BDNF: variants seen among roughly 807,000 people sequenced by gnomAD.
The protein encoded by BDNF is brain derived neurotrophic factor.
In BDNF, 1 loss-of-function variant was observed where a neutral mutation model predicts 19.5. The observed-to-expected ratio is 0.05, with a 90% CI of 0.02 to 0.24. BDNF has a LOEUF of 0.24. Ranked by LOEUF, BDNF falls within the 10% of genes least tolerant of loss-of-function variation. The pLI is 1.00. For missense variants in BDNF, 195 were observed against 317.6 expected (o/e 0.61, Z 2.93); for synonymous variants, 100 against 121.6 (o/e 0.82, Z 1.17).
In BDNF at chr11:27,667,001, A is replaced by G. The variant is rs772380411; in HGVS notation, c.-21-8416T>C. Among the ~76,000 whole-genome samples, 4 of 152,340 alleles carry G rather than the reference A, an allele frequency of 2.6e-5. No homozygotes were observed. The East Asian group carries it at 7.7e-4, about 29-fold the overall frequency. On this transcript the variant is annotated intron_variant, in intron 1 of 1. Coordinates refer to ENST00000356660, the MANE Select transcript of BDNF (RefSeq NM_001709.5). ...CCAAAGTTGAAATGAAGGAAAAAAC[A>G]TTAAGTGCAGCGAGAGAGAAAGGGC...
chr11:27,678,241 G>A (rs1856429597), intron 1 of BDNF, among the ~76,000 whole-genome samples: 1 of 152,182 alleles, frequency 6.6e-6, no homozygotes, highest in Non-Finnish European at 1.5e-5. Context: ...GTCAACATAT[G>A]GGAAAGAGCT....
chr11:27,688,419 G>A (rs1024925667), intron 1 of BDNF, among the ~76,000 whole-genome samples: 1 of 152,152 alleles, frequency 6.6e-6, no homozygotes, highest in African/African-American at 2.4e-5. Context: ...GGAGTGAATG[G>A]TTCTGTCTCA....
intron 1 of BDNF, chr11:27,719,535 C>T: frequency 1.0e-6 from 1 of 985,414 alleles, no homozygotes; most frequent in South Asian, 4.7e-5. Flanking sequence ...GCATCCGGCC[C>T]GGCTGGGGAG....
chr11:27,700,386 G>T lies in BDNF; in HGVS notation c.-244C>A. 1.0e-6 allele frequency: 1 copy of T among 985,980 alleles called. No homozygotes were observed. Among genetic ancestry groups the T allele is most frequent in the Non-Finnish European group, 1.2e-6 (1 of 830,268 alleles). 61.1% of individuals were successfully genotyped at this position (985,980 alleles called of 1,614,324 possible). The stretch of plus-strand genomic sequence containing the variant: ...GAGCCCGAGGCGCTACGGGGTGCGC[G>T]GGACAGCGAGCGGGCGGGTGCGCCC... On this transcript the variant is annotated 5_prime_UTR_variant, in exon 1 of 2. Coordinates refer to ENST00000356660, the MANE Select transcript of BDNF (RefSeq NM_001709.5).
intron 1 of BDNF, among the ~76,000 whole-genome samples, chr11:27,685,376 GT>G (rs1205592787): frequency 2.6e-5 from 4 of 152,004 alleles, no homozygotes; most frequent in Middle Eastern, 3.2e-3. Flanking sequence ...TTTTTGAAGG[GT>G]TTTTTGTGTC....
chr11:27,708,066 T>C (rs1479177908), intron 1 of BDNF, among the ~76,000 whole-genome samples: 1 of 152,232 alleles, frequency 6.6e-6, no homozygotes, highest in East Asian at 1.9e-4. Context: ...AGTAAAATGT[T>C]TAATATTGAG....
intron 1 of BDNF, chr11:27,673,998 CAAGA>C (rs1322142205): frequency 1.4e-6 from 2 of 1,468,408 alleles, no homozygotes; most frequent in Non-Finnish European, 1.8e-6. Flanking sequence ...AAACTATTAT[CAAGA>C]AATCTTGGGG....
intron 1 of BDNF, chr11:27,677,686 AG>A (rs1425591494): frequency 6.6e-6 from 1 of 152,252 alleles, no homozygotes; most frequent in East Asian, 1.9e-4. Context: ...TGAGGTGAGC[AG>A]GGTATAAGTG....
At chr11:27,702,483 T>TGC (rs1262422710), upstream of BDNF, among the ~76,000 whole-genome samples, 2 of 152,180 alleles carry the variant, frequency 1.3e-5, no homozygotes, top group Non-Finnish European at 2.9e-5. Flanking sequence ...TCTGTGTGTG[T>TGC]GCGTTTTTCT....
intron 1 of BDNF, among the ~76,000 whole-genome samples, chr11:27,671,074 G>T (rs535427800): frequency 6.6e-6 from 1 of 151,966 alleles, no homozygotes; most frequent in African/African-American, 2.4e-5. Context: ...ACCAAACACC[G>T]CATGTTCTCA....
At chr11:27,666,611 C>T (rs1224426265) in intron 1 of BDNF, among the ~76,000 whole-genome samples, 4 of 152,016 alleles carry the variant, frequency 2.6e-5, no homozygotes, top group East Asian at 1.9e-4. Flanking sequence ...AACCATGGCA[C>T]GAGAACTATG....
chr11:27,702,586 G>A (rs981004669), upstream of BDNF, among the ~76,000 whole-genome samples: 7 of 152,186 alleles, frequency 4.6e-5, no homozygotes, highest in Non-Finnish European at 8.8e-5. Context: ...TAAAGGGAAA[G>A]ATTTATAAAC....
At chr11:27,681,738 G>A (rs76398919) in intron 1 of BDNF, among the ~76,000 whole-genome samples, 12,804 of 152,042 alleles carry the variant, frequency 0.084, 714 homozygotes, top group South Asian at 0.25. Context: ...GTATCTTTTT[G>A]GGGGAGCTGG....
At chr11:27,695,395 T>G (rs1281255641) in intron 1 of BDNF, among the ~76,000 whole-genome samples, 1 of 152,224 alleles carries the variant, frequency 6.6e-6, no homozygotes, top group African/African-American at 2.4e-5. Flanking sequence ...TTATGTTTCC[T>G]TACTATACTG....
At chr11:27,709,777 C>G (rs966152846) in intron 1 of BDNF, among the ~76,000 whole-genome samples, 2 of 152,118 alleles carry the variant, frequency 1.3e-5, no homozygotes, top group African/African-American at 4.8e-5. Context: ...CTCAGTTGCC[C>G]AATCAATCAA....
intron 1 of BDNF, among the ~76,000 whole-genome samples, chr11:27,676,389 A>G (rs531168527): frequency 6.6e-6 from 1 of 151,994 alleles, no homozygotes; most frequent in South Asian, 2.1e-4. Flanking sequence ...CATTTACCAC[A>G]CTTTTCTATG....
chr11:27,705,202 T>C (rs1860062389), upstream of BDNF, among the ~76,000 whole-genome samples: 1 of 152,210 alleles, frequency 6.6e-6, no homozygotes. Context: ...GTTGTAATAG[T>C]TCTATAAGCG....
chr11:27,704,795 T>A (rs1165322028), upstream of BDNF, among the ~76,000 whole-genome samples: 1 of 152,178 alleles, frequency 6.6e-6, no homozygotes, highest in African/African-American at 2.4e-5. Context: ...AAGGGAGAAG[T>A]AATTTCCCTA....
intron 1 of BDNF, chr11:27,660,331 T>C (rs1313954563): frequency 1.5e-6 from 1 of 651,562 alleles, no homozygotes; most frequent in Non-Finnish European, 2.3e-6. Flanking sequence ...ATAGCAAACA[T>C]GCTTAGAACT....
Sources: gnomAD v4.1 joint callset for allele counts (sites outside exome capture counted in the v4.1 genomes callset) on GRCh38, gnomAD v4.1.1 for gene constraint, MANE v1.5 for transcripts, NCBI Gene and HGNC (gene_info 2026-07-23, HGNC 2026-07-21) for gene names.